NEBL: variants seen among roughly 807,000 people sequenced by gnomAD.
The protein encoded by NEBL is LIM and SH3 protein 2.
A neutral mutation model predicts 140.2 loss-of-function variants in NEBL; 122 were observed. That is an observed-to-expected ratio of 0.87 (90% CI 0.75 to 1.01). The LOEUF is 1.01. NEBL is among the 50% of genes least tolerant of loss of function. The pLI, the probability that NEBL is intolerant of heterozygous loss-of-function variation, is 0.00. For missense variants in NEBL, 1,365 were observed against 1,231.3 expected (o/e 1.11, Z -1.62); for synonymous variants, 436 against 398.9 (o/e 1.09, Z -1.11).
intron 26 of NEBL, among the ~76,000 whole-genome samples, chr10:20,792,735 G>C (rs943971202): frequency 6.6e-6 from 1 of 152,008 alleles, no homozygotes; most frequent in South Asian, 2.1e-4. Flanking sequence ...GTGAAGAGGA[G>C]GTTGCAGTGA....
chr10:20,842,967 T>C (rs1483095661), intron 12 of NEBL, among the ~76,000 whole-genome samples: 1 of 152,090 alleles, frequency 6.6e-6, no homozygotes, highest in Non-Finnish European at 1.5e-5. Flanking sequence ...GCAGGATTTG[T>C]CTTTCAGTGC....
At chr10:20,799,925 G>T (rs1029546793) in intron 26 of NEBL, among the ~76,000 whole-genome samples, 20 of 63,468 alleles carry the variant, frequency 3.2e-4, no homozygotes, top group African/African-American at 1.4e-3. Context: ...CATCTGGCAC[G>T]TGTGTGTGTG....
chr10:21,089,913 T>C (rs189168978), intron 2 of NEBL, among the ~76,000 whole-genome samples: 18 of 152,316 alleles, frequency 1.2e-4, no homozygotes, highest in African/African-American at 4.1e-4. Context: ...TCTTTTAAAT[T>C]TAAAAATGAT....
Position 20,877,281 on chromosome 10 carries a change from T to C in NEBL, c.480+3513A>G, listed in dbSNP as rs112165628. Among the ~76,000 whole-genome samples the C allele has an allele frequency of 4.2e-3, 643 of 152,280 alleles. 5 individuals carry two copies. Among genetic ancestry groups the C allele is most frequent in the African/African-American group, 0.015 (603 of 41,550 alleles). ...TGTCCCCATTTTACAGATGAGAAAA[T>C]GGAGATTTAGAGACATTAAGTAACT... On this transcript the variant is annotated intron_variant, in intron 5 of 27. Coordinates refer to ENST00000377122, the MANE Select transcript of NEBL (RefSeq NM_006393.3).
intron 3 of NEBL, among the ~76,000 whole-genome samples, chr10:20,985,955 T>C (rs1837241134): frequency 1.3e-5 from 2 of 152,134 alleles, no homozygotes; most frequent in South Asian, 4.1e-4. Flanking sequence ...AATTAAAAAG[T>C]TTAAAAACAT....
intron 25 of NEBL, 120 bp downstream of exon 25, chr10:20,809,685 GT>G: frequency 4.8e-6 from 4 of 824,950 alleles, no homozygotes; most frequent in Admixed American, 2.5e-5. Context: ...CATTTTTTTG[GT>G]TTGCCAAATT....
At chr10:21,081,588 C>T (rs944209402) in intron 2 of NEBL, among the ~76,000 whole-genome samples, 11 of 152,122 alleles carry the variant, frequency 7.2e-5, no homozygotes, top group African/African-American at 2.7e-4. Flanking sequence ...GGTCCAGGAG[C>T]AATGACACTC....
intron 2 of NEBL, among the ~76,000 whole-genome samples, chr10:21,115,131 C>T (rs1838222806): frequency 6.6e-6 from 1 of 151,894 alleles, no homozygotes. Context: ...AGTCTACCTT[C>T]AAGTTTTATT....
intron 2 of NEBL, among the ~76,000 whole-genome samples, chr10:21,100,577 T>C (rs1353549296): frequency 1.3e-5 from 2 of 152,222 alleles, no homozygotes; most frequent in Admixed American, 1.3e-4. Flanking sequence ...GTAGATTCTG[T>C]TAATACAGGG....
intron 2 of NEBL, among the ~76,000 whole-genome samples, chr10:21,036,960 T>A (rs998088515): frequency 6.6e-6 from 1 of 152,154 alleles, no homozygotes; most frequent in African/African-American, 2.4e-5. Flanking sequence ...GTTTTGTTTA[T>A]TCCAGAAACT....
chr10:21,101,760 GT>G (rs1837490564), intron 2 of NEBL, among the ~76,000 whole-genome samples: 1 of 152,112 alleles, frequency 6.6e-6, no homozygotes, highest in Non-Finnish European at 1.5e-5. Flanking sequence ...AAACAACTTT[GT>G]GCCCAGAGGA....
At chr10:20,897,430 C>A (rs1386465188), upstream of NEBL, 9 of 1,259,448 alleles carry the variant, frequency 7.1e-6, no homozygotes, top group African/African-American at 1.5e-5. Context: ...GTGGAAATAA[C>A]ATATTCTTAA....
chr10:21,236,700 C>G (rs546092243), intron 3 of NEBL, among the ~76,000 whole-genome samples: 1 of 152,192 alleles, frequency 6.6e-6, no homozygotes, highest in African/African-American at 2.4e-5. Flanking sequence ...CATGGCCTAT[C>G]AAATTAAATA....
chr10:20,789,939 A>G (rs28380212), intron 26 of NEBL, among the ~76,000 whole-genome samples: 19 of 150,330 alleles, frequency 1.3e-4, no homozygotes, highest in Non-Finnish European at 2.7e-4. Flanking sequence ...ATATGTGTAT[A>G]TATATATGTG....
chr10:20,794,550 G>A (rs538313844), intron 26 of NEBL, among the ~76,000 whole-genome samples: 2 of 152,192 alleles, frequency 1.3e-5, no homozygotes, highest in South Asian at 4.1e-4. Flanking sequence ...TAATCGTTAA[G>A]TGTACAGTTG....
chr10:20,835,042 G>A (rs952967153), intron 14 of NEBL, among the ~76,000 whole-genome samples: 4 of 152,234 alleles, frequency 2.6e-5, no homozygotes, highest in South Asian at 4.2e-4. Context: ...AATTTCATGC[G>A]TGCTGATCAT....
At chr10:20,955,245 G>C (rs773154742) in intron 4 of NEBL, among the ~76,000 whole-genome samples, 6 of 152,168 alleles carry the variant, frequency 3.9e-5, no homozygotes, top group Non-Finnish European at 7.3e-5. Context: ...CTTCACCTAT[G>C]GGAAGTTAAG....
At chr10:20,939,437 C>T (rs11511160) in intron 4 of NEBL, among the ~76,000 whole-genome samples, 9 of 152,020 alleles carry the variant, frequency 5.9e-5, no homozygotes, top group African/African-American at 9.7e-5. Context: ...GAAGGAAGCA[C>T]GAAACTTGGA....
intron 26 of NEBL, among the ~76,000 whole-genome samples, chr10:20,798,158 G>A (rs1165909214): frequency 6.6e-6 from 1 of 151,694 alleles, no homozygotes; most frequent in Non-Finnish European, 1.5e-5. Flanking sequence ...ATACTAGGGG[G>A]AAAGATCAGG....
Sources: allele counts gnomAD v4.1 joint callset (sites outside exome capture counted in the v4.1 genomes callset), GRCh38; gene constraint gnomAD v4.1.1; transcripts MANE v1.5; gene names NCBI Gene and HGNC (gene_info 2026-07-23, HGNC 2026-07-21).